ZNF146: variants seen among roughly 807,000 people sequenced by gnomAD.
ZNF146 encodes zinc finger protein 146.
ZNF146 carries 9 observed loss-of-function variants against 22.2 expected under a neutral mutation model. The observed-to-expected ratio is 0.41, with a 90% confidence interval of 0.24 to 0.71. The LOEUF (loss-of-function observed/expected upper bound fraction) is 0.71. Among genes scored for constraint, ZNF146 ranks in the 30% least tolerant of loss-of-function variants. The pLI is 0.34. For synonymous variants in ZNF146, 108 were observed against 119.2 expected (o/e 0.91, Z 0.61); for missense variants, 194 against 344.8 (o/e 0.56, Z 3.46).
At chr19:36,232,212 A>C (rs1012228472) in intron 3 of ZNF146, among the ~76,000 whole-genome samples, 8 of 144,930 alleles carry the variant, frequency 5.5e-5, no homozygotes, top group Admixed American at 1.4e-4. Flanking sequence ...AAAAAAAAAA[A>C]CATACAAATT....
chr19:36,222,101 C>G (rs1976872925), intron 2 of ZNF146, among the ~76,000 whole-genome samples: 1 of 151,786 alleles, frequency 6.6e-6, no homozygotes, highest in African/African-American at 2.4e-5. Flanking sequence ...GGCTTTTTTA[C>G]TTTTTGTAGA....
chr19:36,219,877 G>A (rs935296055), intron 2 of ZNF146, among the ~76,000 whole-genome samples: 1 of 152,100 alleles, frequency 6.6e-6, no homozygotes. Flanking sequence ...AATTTCTCTT[G>A]TCTTTTCATT....
At chr19:36,234,415 A>G (rs544605969) in intron 3 of ZNF146, among the ~76,000 whole-genome samples, 30 of 152,316 alleles carry the variant, frequency 2.0e-4, no homozygotes, top group African/African-American at 7.2e-4. Context: ...ACCTTAGAAG[A>G]TTAACCATGT....
At chr19:36,234,922 A>G (rs899139928) in intron 3 of ZNF146, among the ~76,000 whole-genome samples, 7 of 151,354 alleles carry the variant, frequency 4.6e-5, no homozygotes, top group African/African-American at 1.7e-4. Context: ...TGTTCCTTAC[A>G]CTTTTTTTTC....
chr19:36,225,084 A>T (rs1977011214), intron 2 of ZNF146, among the ~76,000 whole-genome samples: 2 of 152,042 alleles, frequency 1.3e-5, no homozygotes, highest in South Asian at 4.1e-4. Flanking sequence ...TATTATCATG[A>T]TTTGCTTTTC....
chr19:36,231,415 G>C (rs894568732), intron 3 of ZNF146, among the ~76,000 whole-genome samples: 1 of 152,050 alleles, frequency 6.6e-6, no homozygotes, highest in Non-Finnish European at 1.5e-5. Flanking sequence ...CACCATGTTG[G>C]CCAGGCTGGT....
intron 1 of ZNF146, among the ~76,000 whole-genome samples, chr19:36,217,755 A>G (rs562970171): frequency 2.0e-5 from 3 of 151,968 alleles, no homozygotes; most frequent in Non-Finnish European, 4.4e-5. Context: ...GTGGCGGCAC[A>G]TGCCTGTTAA....
chr19:36,216,973 C>T (rs1447574925), intron 1 of ZNF146, among the ~76,000 whole-genome samples: 1 of 149,178 alleles, frequency 6.7e-6, no homozygotes, highest in Non-Finnish European at 1.5e-5. Flanking sequence ...GTGGGAGGAT[C>T]ACTTGAGCCT....
rs186277735 is a variant in ZNF146, at chr19:36,233,788, T to C, written c.-782-1871T>C. On this transcript the variant is annotated intron_variant, in intron 3 of 3. Coordinates refer to ENST00000443387, the MANE Select transcript of ZNF146 (RefSeq NM_007145.3). ...TTCCCCTATCTCAGTAGATGGAATA[T>C]ACAATCCAGCTTTACACGGAGACAT... 3.5e-3 allele frequency among the ~76,000 whole-genome samples: 529 copies of C among 152,346 alleles called. 4 individuals are homozygous for C. The highest frequency in any genetic ancestry group is 6.8e-3 in the Middle Eastern group (2 of 294).
chr19:36,222,181 C>T (rs1275074027), intron 2 of ZNF146, among the ~76,000 whole-genome samples: 1 of 152,146 alleles, frequency 6.6e-6, no homozygotes, highest in Non-Finnish European at 1.5e-5. Flanking sequence ...CTCTTGGCTT[C>T]CCAAAGTGTT....
chr19:36,236,275 TTTCCTCTCAAACC>T lies in ZNF146; in HGVS notation c.-163_-151del. The T allele has an allele frequency of 2.4e-6, 2 of 820,576 alleles. No homozygotes were observed. Among genetic ancestry groups the T allele is most frequent in the Non-Finnish European group, 3.6e-6 (2 of 549,370 alleles). The allele number at this position is 820,576 out of a possible 1,614,324, so 50.8% of individuals were successfully genotyped here. A position where few individuals can be genotyped will look rare whatever the true frequency, so the allele number is the denominator to read the frequency against. ...ATTGAATATACTGAGTATGATAACA[TTTCCTCTCAAACC>T]TTATCCCTTACTCTGCATTTGGGAG... On this transcript the variant is annotated 5_prime_UTR_variant, in exon 4 of 4. The change abolishes the stop of an existing upstream ORF in the 5' untranslated region. Coordinates refer to ENST00000443387, the MANE Select transcript of ZNF146 (RefSeq NM_007145.3).
intron 3 of ZNF146, among the ~76,000 whole-genome samples, chr19:36,232,906 A>C (rs2145450987): frequency 6.6e-6 from 1 of 152,208 alleles, no homozygotes; most frequent in East Asian, 1.9e-4. Flanking sequence ...TTTCATATGA[A>C]CATTTTTTAA....
At chr19:36,227,258 G>T (rs1430966663) in intron 2 of ZNF146, among the ~76,000 whole-genome samples, 1 of 144,992 alleles carries the variant, frequency 6.9e-6, no homozygotes, top group Non-Finnish European at 1.5e-5. Context: ...GTGTAGTGGC[G>T]CATGCCTGTA....
intron 2 of ZNF146, among the ~76,000 whole-genome samples, chr19:36,222,620 A>G (rs1487534908): frequency 1.1e-4 from 17 of 151,418 alleles, no homozygotes; most frequent in Admixed American, 1.1e-3. Context: ...ATCCCTTCTT[A>G]TGAATGAGAA....
At chr19:36,222,778 CTTT>C (rs55668684) in intron 2 of ZNF146, among the ~76,000 whole-genome samples, 52,855 of 99,748 alleles carry the variant, frequency 0.53, 11,267 homozygotes, top group East Asian at 0.57. Context: ...TGAGTGGTGG[CTTT>C]TTTTTTTTTT....
intron 1 of ZNF146, among the ~76,000 whole-genome samples, chr19:36,215,658 A>C (rs1292828234): frequency 6.6e-6 from 1 of 151,658 alleles, no homozygotes; most frequent in Non-Finnish European, 1.5e-5. Flanking sequence ...AATCACCGTG[A>C]CTTTTTTTTT....
At chr19:36,227,455 G>A (rs1977124108) in intron 2 of ZNF146, among the ~76,000 whole-genome samples, 1 of 149,970 alleles carries the variant, frequency 6.7e-6, no homozygotes, top group South Asian at 2.1e-4. Flanking sequence ...GCATGATCAT[G>A]TATTTGCAGC....
rs371091930 is a variant in ZNF146, at chr19:36,216,461, T to C, written c.-929+1265T>C. Among the ~76,000 whole-genome samples the C allele has an allele frequency of 4.6e-5, 7 of 152,054 alleles. No homozygotes were observed. The South Asian group carries it at 1.5e-3, about 32-fold the overall frequency. On this transcript the variant is annotated intron_variant, in intron 1 of 3. Coordinates refer to ENST00000443387, the MANE Select transcript of ZNF146 (RefSeq NM_007145.3). ...TTCGAGAGGAGCCTGGCCAACATGG[T>C]GAAACCCTGTCTCTACTAAAAAAAA...
chr19:36,225,754 T>A (rs1977039659), intron 2 of ZNF146, among the ~76,000 whole-genome samples: 3 of 72,720 alleles, frequency 4.1e-5, no homozygotes, highest in Non-Finnish European at 8.7e-5. Context: ...TTGTGATTCT[T>A]TTTTTTTTTT....
Sources: allele counts gnomAD v4.1 joint callset (sites outside exome capture counted in the v4.1 genomes callset), GRCh38; gene constraint gnomAD v4.1.1; transcripts MANE v1.5; gene names NCBI Gene and HGNC (gene_info 2026-07-23, HGNC 2026-07-21).